The following LINS1 variants were observed in gnomAD, a reference collection of about 807,000 sequenced individuals.
LINS1 encodes the protein lines homolog 1.
In LINS1, 27 loss-of-function variants were observed where a neutral mutation model predicts 41.6. The ratio of observed to expected loss-of-function variants is 0.65; its 90% CI spans 0.48 to 0.89. The LOEUF (loss-of-function observed/expected upper bound fraction) is 0.89. Ranked by LOEUF, LINS1 falls within the 40% of genes least tolerant of loss-of-function variation. The pLI is 0.00. For missense variants in LINS1, 955 were observed against 884.1 expected, an observed-to-expected ratio of 1.08 and a Z score of -1.02; for synonymous variants, 336 against 312.9, an observed-to-expected ratio of 1.07 and a Z score of -0.78.
chr15:100,578,644 AT>A (rs1458487890), intron 3 of LINS1, among the ~76,000 whole-genome samples: 1 of 152,216 alleles, frequency 6.6e-6, no homozygotes, highest in East Asian at 1.9e-4. Context: ...AGAGCTAGAA[AT>A]ACCATTTGAC....
intron 3 of LINS1, among the ~76,000 whole-genome samples, chr15:100,575,794 T>A (rs986456926): frequency 6.6e-6 from 1 of 152,112 alleles, no homozygotes; most frequent in African/African-American, 2.4e-5. Flanking sequence ...CCTCAGCAAA[T>A]GTAAAAGAAC....
chr15:100,587,179 AAAAC>A (rs1410645328), intron 1 of LINS1, among the ~76,000 whole-genome samples: 1 of 150,884 alleles, frequency 6.6e-6, no homozygotes, highest in African/African-American at 2.4e-5. Flanking sequence ...AAAAAAAAAA[AAAAC>A]ATTAGCAGTT....
At chr15:100,583,529 T>C (rs146317993) in intron 1 of LINS1, among the ~76,000 whole-genome samples, 6 of 152,266 alleles carry the variant, frequency 3.9e-5, no homozygotes, top group African/African-American at 1.4e-4. Flanking sequence ...GTTGGTAATG[T>C]TGTTCTATCT....
At chr15:100,585,225 C>A (rs1200989066) in intron 1 of LINS1, among the ~76,000 whole-genome samples, 1 of 152,200 alleles carries the variant, frequency 6.6e-6, no homozygotes, top group East Asian at 1.9e-4. Flanking sequence ...AGGGGAACAC[C>A]CCAGGGGGAT....
chr15:100,587,157 T>TAA (rs56781451), intron 1 of LINS1, among the ~76,000 whole-genome samples: 4,344 of 68,190 alleles, frequency 0.064, 208 homozygotes, highest in East Asian at 0.2. Flanking sequence ...GACTCTGTCT[T>TAA]AAAAAAAAAA....
At chr15:100,587,178 A>C (rs2038843987) in intron 1 of LINS1, among the ~76,000 whole-genome samples, 2 of 150,850 alleles carry the variant, frequency 1.3e-5, no homozygotes, top group Admixed American at 6.6e-5. Context: ...AAAAAAAAAA[A>C]AAAACATTAG....
intron 1 of LINS1, among the ~76,000 whole-genome samples, chr15:100,599,819 A>T (rs532412130): frequency 3.7e-4 from 56 of 152,292 alleles, no homozygotes; most frequent in African/African-American, 1.3e-3. Flanking sequence ...TAATCCCAGC[A>T]CTCTGGGAGG....
chr15:100,580,323 C>CA lies in LINS1; in HGVS notation c.428dup (p.Leu143PhefsTer26). 1 of 1,612,864 alleles carries CA rather than the reference C, an allele frequency of 6.2e-7. No individual in the cohort carries two copies. The highest frequency in any genetic ancestry group is 8.5e-7 in the Non-Finnish European group (1 of 1,179,112). On this transcript the variant is annotated frameshift_variant, in exon 3 of 7. Coordinates refer to ENST00000314742, the MANE Select transcript of LINS1 (RefSeq NM_001040616.3). LOFTEE classifies it high-confidence loss of function. ...GGCACTGTGCAGCCATGTGAGATAA[C>CA]AATTTATCTGAATTTTGGAACATGC...
intron 1 of LINS1, among the ~76,000 whole-genome samples, chr15:100,600,787 T>C (rs1024291370): frequency 6.6e-6 from 1 of 152,196 alleles, no homozygotes; most frequent in African/African-American, 2.4e-5. Flanking sequence ...CTACTGCACT[T>C]CTACTCTGGA....
chr15:100,594,814 T>G (rs867091707), intron 1 of LINS1, among the ~76,000 whole-genome samples: 1 of 152,146 alleles, frequency 6.6e-6, no homozygotes, highest in African/African-American at 2.4e-5. Context: ...TCCCTAAATA[T>G]TTTTGATCTG....
chr15:100,569,261 T>A lies in LINS1; in HGVS notation c.2251A>T (p.Asn751Tyr). Residue 751 changes from asparagine to tyrosine, a missense_variant, in exon 7 of 7, where the codon AAT becomes TAT. Physicochemically the swap from Asn to Tyr is moderately radical, Grantham distance 143 (BLOSUM62 -2). Transcript: ENST00000314742. ...KLLKYIEVIS[N>Y]KTMNTL The stretch of plus-strand genomic sequence containing the variant: ...TTTTACAAAGTGTTCATAGTTTTAT[T>A]ACTTATCACCTCTATGTATTTTAAC... 1.3e-6 allele frequency: 2 copies of A among 1,598,520 alleles called. No individual in the cohort carries two copies. The highest frequency in any genetic ancestry group is 1.7e-6 in the Non-Finnish European group (2 of 1,166,298).
At chr15:100,584,216 C>G (rs1370905833) in intron 1 of LINS1, among the ~76,000 whole-genome samples, 3 of 152,154 alleles carry the variant, frequency 2.0e-5, no homozygotes, top group Non-Finnish European at 2.9e-5. Context: ...ATGCTCAACT[C>G]TTTTAGTAAA....
intron 1 of LINS1, among the ~76,000 whole-genome samples, chr15:100,591,618 C>T (rs2039041037): frequency 6.6e-6 from 1 of 152,044 alleles, no homozygotes; most frequent in East Asian, 1.9e-4. Context: ...TTTTTTTCCG[C>T]AAATCTCTAG....
chr15:100,596,909 C>T (rs1243576521), intron 1 of LINS1: 1 of 152,228 alleles, frequency 6.6e-6, no homozygotes, highest in Non-Finnish European at 1.5e-5. Flanking sequence ...CTGCCACGTA[C>T]CTGAAGCTAT....
At chr15:100,594,242 TA>T (rs572504993) in intron 1 of LINS1, among the ~76,000 whole-genome samples, 21 of 152,344 alleles carry the variant, frequency 1.4e-4, no homozygotes, top group Middle Eastern at 3.4e-3. Context: ...TTTTTCTGAA[TA>T]TTTTTTTATC....
At chr15:100,571,399 G>A (rs1412967967) in intron 6 of LINS1, among the ~76,000 whole-genome samples, 2 of 152,158 alleles carry the variant, frequency 1.3e-5, no homozygotes, top group African/African-American at 2.4e-5. Flanking sequence ...GAGACAATCA[G>A]TATAAATCAT....
At chr15:100,578,962 G>A (rs1306384353) in intron 3 of LINS1, among the ~76,000 whole-genome samples, 5 of 151,770 alleles carry the variant, frequency 3.3e-5, no homozygotes, top group Non-Finnish European at 5.9e-5. Context: ...ACTCATAGGT[G>A]GGAACTGAAC....
At chr15:100,587,263 G>C (rs916389045) in intron 1 of LINS1, among the ~76,000 whole-genome samples, 3 of 150,758 alleles carry the variant, frequency 2.0e-5, no homozygotes, top group Admixed American at 6.6e-5. Context: ...ATACATGCTT[G>C]CATTGCTTCA....
At chr15:100,583,356 A>C (rs1162500198) in intron 1 of LINS1, among the ~76,000 whole-genome samples, 2 of 152,236 alleles carry the variant, frequency 1.3e-5, no homozygotes, top group Non-Finnish European at 2.9e-5. Context: ...TCAATTGTTG[A>C]TTACTCCACA....
Sources: gnomAD v4.1 joint callset for allele counts (sites outside exome capture counted in the v4.1 genomes callset) on GRCh38, gnomAD v4.1.1 for gene constraint, MANE v1.5 for transcripts, NCBI Gene and HGNC (gene_info 2026-07-23, HGNC 2026-07-21) for gene names.